The following ZNF423 variants were observed in gnomAD, a reference collection of about 807,000 sequenced individuals.
The protein encoded by ZNF423 is zinc finger protein 423.
ZNF423 carries 12 observed loss-of-function variants against 95.8 expected under a neutral mutation model. The observed-to-expected ratio is 0.13, with a 90% confidence interval of 0.08 to 0.20. The LOEUF (loss-of-function observed/expected upper bound fraction) is 0.20. Ranked by LOEUF, ZNF423 falls within the 10% of genes least tolerant of loss-of-function variation. ZNF423 has a pLI of 1.00. For synonymous variants in ZNF423, 749 were observed against 711.9 expected, an observed-to-expected ratio of 1.05 and a Z score of -0.83; for missense variants, 1,316 against 1,737.1, an observed-to-expected ratio of 0.76 and a Z score of 4.31.
chr16:49,493,774 T>A (rs778814846), intron 7 of ZNF423, among the ~76,000 whole-genome samples: 1 of 152,116 alleles, frequency 6.6e-6, no homozygotes, highest in African/African-American at 2.4e-5. Context: ...GGAGAGGGCA[T>A]TCCAAGAGGA....
chr16:49,742,773 G>A (rs1217311779), intron 2 of ZNF423, among the ~76,000 whole-genome samples: 2 of 152,118 alleles, frequency 1.3e-5, no homozygotes, highest in Non-Finnish European at 2.9e-5. Context: ...GGATGCTGGG[G>A]CGCAAATCAC....
At chr16:49,699,014 G>A (rs2032076617) in intron 3 of ZNF423, among the ~76,000 whole-genome samples, 1 of 152,196 alleles carries the variant, frequency 6.6e-6, no homozygotes. Flanking sequence ...ATATCACTGT[G>A]ACTAACCAAA....
At chr16:49,714,637 A>AAC (rs2032648812) in intron 3 of ZNF423, among the ~76,000 whole-genome samples, 1 of 151,454 alleles carries the variant, frequency 6.6e-6, no homozygotes, top group Non-Finnish European at 1.5e-5. Context: ...AAAAAAAAAA[A>AAC]AACTGATGAG....
chr16:49,740,256 T>C lies in ZNF423; in HGVS notation c.101-9285A>G, dbSNP rs571569015. Among the ~76,000 whole-genome samples the C allele has an allele frequency of 2.0e-5, 3 of 152,326 alleles. No individual in the cohort carries two copies. The South Asian group carries it at 6.2e-4, about 32-fold the overall frequency. On this transcript the variant is annotated intron_variant, in intron 2 of 7. Transcript: ENST00000563137. The stretch of plus-strand genomic sequence containing the variant: ...GTTCCCGAGGGCAAGATGCCTTTTC[T>C]GAATCTGAGCACCAGGTCAAAGCCC...
At chr16:49,736,743 C>G (rs537824843) in intron 2 of ZNF423, among the ~76,000 whole-genome samples, 1 of 152,128 alleles carries the variant, frequency 6.6e-6, no homozygotes, top group Admixed American at 6.5e-5. Context: ...TGCAGTGAGC[C>G]GTGTTCGCAC....
intron 1 of ZNF423, among the ~76,000 whole-genome samples, chr16:49,792,263 C>A (rs1368765419): frequency 6.6e-6 from 1 of 152,158 alleles, no homozygotes; most frequent in African/African-American, 2.4e-5. Flanking sequence ...AGAAGTGTGA[C>A]CACCCAAGTC....
intron 2 of ZNF423, among the ~76,000 whole-genome samples, chr16:49,786,971 C>T (rs1176146799): frequency 6.6e-6 from 1 of 152,232 alleles, no homozygotes; most frequent in Non-Finnish European, 1.5e-5. Flanking sequence ...AACCAGATGG[C>T]TGTCCCTAAA....
At chr16:49,662,410 G>A (rs2030286188) in intron 3 of ZNF423, among the ~76,000 whole-genome samples, 1 of 152,136 alleles carries the variant, frequency 6.6e-6, no homozygotes, top group African/African-American at 2.4e-5. Context: ...TCCTCCAAGA[G>A]GAAGGACAAA....
intron 5 of ZNF423, among the ~76,000 whole-genome samples, chr16:49,623,506 A>G (rs1972154899): frequency 6.6e-6 from 1 of 152,224 alleles, no homozygotes; most frequent in South Asian, 2.1e-4. Context: ...TGCGCCCTTC[A>G]TGCTTACAAA....
intron 6 of ZNF423, among the ~76,000 whole-genome samples, chr16:49,524,701 G>A (rs1482856377): frequency 3.9e-5 from 6 of 152,216 alleles, no homozygotes; most frequent in East Asian, 1.9e-4. Context: ...CCTGCCAGGC[G>A]TCCTCCCCAG....
At chr16:49,833,167 C>T (rs987699802) in intron 1 of ZNF423, among the ~76,000 whole-genome samples, 4 of 152,196 alleles carry the variant, frequency 2.6e-5, no homozygotes, top group Admixed American at 6.5e-5. Context: ...GAGGTTTATC[C>T]GCTTTCACAA....
chr16:49,626,356 T>C (rs1596738754), intron 4 of ZNF423, 102 bp from the exon 5 acceptor site: 2 of 1,046,514 alleles, frequency 1.9e-6, no homozygotes, highest in East Asian at 4.8e-5. Flanking sequence ...TCCAGAATGG[T>C]TCCAGTCCCC....
chr16:49,832,530 C>T (rs1400294280), intron 1 of ZNF423, among the ~76,000 whole-genome samples: 3 of 152,060 alleles, frequency 2.0e-5, no homozygotes, highest in African/African-American at 7.3e-5. Context: ...AAGAGCTCCT[C>T]AAATAGGCGC....
At position 49,730,787 on chromosome 16, in the gene ZNF423, G is replaced by A; in HGVS notation, c.285C>T (p.Ala95=). ...ESLADLTDHR[A]HRCPGDGDDD... is the part of the protein sequence containing the mutation. ...TTGCATTACCTCCAGGACAGCGGTGGGCCCGGTGGTCCGTCAGGTCTGCCA... is the reference window on the plus strand; with the variant it reads ...TTGCATTACCTCCAGGACAGCGGTGAGCCCGGTGGTCCGTCAGGTCTGCCA... Residue 95 remains alanine (A), a synonymous_variant, in exon 3 of 8, where the codon GCC becomes GCT. Transcript: ENST00000563137. 1 of 1,614,198 alleles carries A rather than the reference G, an allele frequency of 6.2e-7. No homozygotes were observed.
chr16:49,608,012 C>G (rs1216959020), intron 5 of ZNF423, among the ~76,000 whole-genome samples: 1 of 152,174 alleles, frequency 6.6e-6, no homozygotes, highest in African/African-American at 2.4e-5. Flanking sequence ...TTCTACCACC[C>G]CATATCTTCA....
intron 2 of ZNF423, among the ~76,000 whole-genome samples, chr16:49,742,361 G>C (rs531963324): frequency 3.3e-5 from 5 of 152,014 alleles, no homozygotes; most frequent in South Asian, 2.1e-4. Context: ...AGGGAAGCAG[G>C]GGGGAGAAAA....
intron 5 of ZNF423, among the ~76,000 whole-genome samples, chr16:49,547,344 C>T (rs933387718): frequency 4.6e-5 from 7 of 152,132 alleles, no homozygotes; most frequent in South Asian, 2.1e-4. Context: ...CACAAAGGGG[C>T]CACGATGCGT....
In ZNF423 at chr16:49,773,716, T is replaced by C. The variant is rs1312675866; in HGVS notation, c.100+15771A>G. Reference sequence around the variant, plus strand: ...TAGTGCAGCTCTGCCACAAACTTGCTGTGTGACATTGGGCAAGATGCCTAG... The same window carrying C: ...TAGTGCAGCTCTGCCACAAACTTGCCGTGTGACATTGGGCAAGATGCCTAG... On this transcript the variant is annotated intron_variant, in intron 2 of 7. Transcript: ENST00000563137. Among the ~76,000 whole-genome samples, 8 of 152,248 alleles carry C rather than the reference T, an allele frequency of 5.3e-5. No homozygotes were observed. The East Asian group carries it at 1.5e-3, about 29-fold the overall frequency.
intron 5 of ZNF423, among the ~76,000 whole-genome samples, chr16:49,595,708 G>A (rs940175686): frequency 5.9e-5 from 9 of 152,212 alleles, no homozygotes; most frequent in East Asian, 1.9e-4. Context: ...AACCATGCTC[G>A]CTTCCTGGAA....
Sources: gnomAD v4.1 joint callset for allele counts (sites outside exome capture counted in the v4.1 genomes callset) on GRCh38, gnomAD v4.1.1 for gene constraint, MANE v1.5 for transcripts, NCBI Gene and HGNC (gene_info 2026-07-23, HGNC 2026-07-21) for gene names.